FBXO42: variants seen among roughly 807,000 people sequenced by gnomAD.
FBXO42 encodes F-box only protein 42.
In FBXO42, 12 loss-of-function variants were observed where a neutral mutation model predicts 71.7. The ratio of observed to expected loss-of-function variants is 0.17; its 90% CI spans 0.11 to 0.27. The LOEUF (loss-of-function observed/expected upper bound fraction) is 0.27. FBXO42 is among the 10% of genes least tolerant of loss of function. The pLI, the probability that FBXO42 is intolerant of heterozygous loss-of-function variation, is 1.00. For missense variants in FBXO42, 707 were observed against 911.9 expected, an observed-to-expected ratio of 0.78 and a Z score of 2.89; for synonymous variants, 325 against 327.5, an observed-to-expected ratio of 0.99 and a Z score of 0.08.
At chr1:16,292,322 T>C (rs1200045215) in intron 4 of FBXO42, 2 of 152,184 alleles carry the variant, frequency 1.3e-5, no homozygotes, top group East Asian at 3.9e-4. Flanking sequence ...TCTTTCTCTT[T>C]CTTTGTTTCT....
chr1:16,247,004 CCT>C lies in FBXO42; in HGVS notation c.*3664_*3665del, dbSNP rs2081540756. 1 of 152,184 alleles carries C rather than the reference CCT, an allele frequency of 6.6e-6. No individual in the cohort carries two copies. The highest frequency in any genetic ancestry group is 6.5e-5 in the Admixed American group (1 of 15,274). The allele number at this position is 152,184 out of a possible 1,614,324, so 9.4% of individuals were successfully genotyped here. A position where few individuals can be genotyped will look rare whatever the true frequency, so the allele number is the denominator to read the frequency against. On this transcript the variant is annotated 3_prime_UTR_variant, in exon 10 of 10. Coordinates refer to ENST00000375592, the MANE Select transcript of FBXO42 (RefSeq NM_018994.3). Reference sequence around the variant, plus strand: ...ATCTCAGGGTAAGCCACCTGGCATCCCTGAGTTGTATGGGAAACATCACTCAC... The same window carrying C: ...ATCTCAGGGTAAGCCACCTGGCATCCGAGTTGTATGGGAAACATCACTCAC...
At chr1:16,297,321 C>T (rs1247543733) in intron 3 of FBXO42, among the ~76,000 whole-genome samples, 1 of 152,040 alleles carries the variant, frequency 6.6e-6, no homozygotes, top group African/African-American at 2.4e-5. Flanking sequence ...AAGGCCAAGT[C>T]AGAAAACTGA....
intron 1 of FBXO42, among the ~76,000 whole-genome samples, chr1:16,315,647 T>C (rs1020161890): frequency 6.6e-6 from 1 of 152,146 alleles, no homozygotes. Flanking sequence ...ATTACATTTT[T>C]TCTCTTCACT....
chr1:16,325,233 G>C (rs993710675), intron 1 of FBXO42, among the ~76,000 whole-genome samples: 1 of 151,958 alleles, frequency 6.6e-6, no homozygotes, highest in African/African-American at 2.4e-5. Flanking sequence ...GCAAGACTCT[G>C]TCCCAAAACA....
At chr1:16,272,450 G>A (rs2081857294) in intron 4 of FBXO42, among the ~76,000 whole-genome samples, 1 of 151,974 alleles carries the variant, frequency 6.6e-6, no homozygotes, top group Admixed American at 6.6e-5. Flanking sequence ...GTAGAGACCG[G>A]GTTTCACCAT....
intron 2 of FBXO42, 124 bp downstream of exon 2, chr1:16,315,045 T>A: frequency 1.9e-6 from 2 of 1,038,048 alleles, no homozygotes. Flanking sequence ...CCGGGTAGTA[T>A]CGTCTAATGC....
Position 16,250,718 on chromosome 1 carries a change from C to T in FBXO42, c.2106G>A (p.Lys702=), listed in dbSNP as rs144643739. The change falls in exon 10 of 10, where the codon AAG becomes AAA. Residue 702 remains lysine (K), a synonymous_variant. Coordinates refer to ENST00000375592, the MANE Select transcript of FBXO42 (RefSeq NM_018994.3). The surrounding 1 kb of genome is among the most constrained non-coding windows in gnomAD (Gnocchi z 4.7). The part of the protein sequence containing the change: ...GGLMDKKQNV[K]YYPKTNALYF... ...ACAAGGCGTTTGTTTTTGGATAGTACTTCACATTCTGTTTCTTGTCCATGA... is the reference window on the plus strand; with the variant it reads ...ACAAGGCGTTTGTTTTTGGATAGTATTTCACATTCTGTTTCTTGTCCATGA... 8.1e-6 allele frequency: 13 copies of T among 1,614,154 alleles called. No homozygotes were observed. The highest frequency in any genetic ancestry group is 1.1e-5 in the Non-Finnish European group (13 of 1,180,038).
chr1:16,253,295 CA>C, intron 7 of FBXO42, 143 bp from the exon 8 acceptor site: 1 of 661,652 alleles, frequency 1.5e-6, no homozygotes, highest in Non-Finnish European at 2.6e-6. Flanking sequence ...CTCCTAAAAA[CA>C]TATCAATTCT....
rs981367303 is a variant in FBXO42 at position 16,249,629 on chromosome 1, C to T, written c.*1041G>A. ...TGATGCTTGCTTCAAAGATTTCTCA[C>T]AATATTGGCATCTTAGAATTCCCTA... On this transcript the variant is annotated 3_prime_UTR_variant, in exon 10 of 10. Coordinates refer to ENST00000375592, the MANE Select transcript of FBXO42 (RefSeq NM_018994.3). The T allele has an allele frequency of 2.0e-5, 3 of 152,052 alleles. No homozygotes were observed. The highest frequency in any genetic ancestry group is 4.4e-5 in the Non-Finnish European group (3 of 68,020). The allele number at this position is 152,052 out of a possible 1,614,324, so 9.4% of individuals were successfully genotyped here.
At chr1:16,290,105 T>TG (rs897946501) in intron 4 of FBXO42, among the ~76,000 whole-genome samples, 1 of 152,158 alleles carries the variant, frequency 6.6e-6, no homozygotes, top group African/African-American at 2.4e-5. Flanking sequence ...GTACTAGCTG[T>TG]GGGTCTCTTT....
intron 3 of FBXO42, among the ~76,000 whole-genome samples, chr1:16,299,730 C>T (rs760281526): frequency 2.6e-5 from 4 of 152,088 alleles, no homozygotes; most frequent in Non-Finnish European, 5.9e-5. Flanking sequence ...CTGCAACCTC[C>T]GCCTCCTGGG....
intron 1 of FBXO42, among the ~76,000 whole-genome samples, chr1:16,345,932 G>A (rs1018863660): frequency 2.6e-5 from 4 of 151,446 alleles, no homozygotes; most frequent in East Asian, 1.9e-4. Context: ...AGGTGAATCC[G>A]GGATAGCTTG....
intron 4 of FBXO42, among the ~76,000 whole-genome samples, chr1:16,257,929 C>G (rs2081663641): frequency 6.6e-6 from 1 of 152,242 alleles, no homozygotes; most frequent in Non-Finnish European, 1.5e-5. Flanking sequence ...GATCTACCCG[C>G]TTTGGCCTCC....
chr1:16,318,649 C>G (rs1015937569), intron 1 of FBXO42, among the ~76,000 whole-genome samples: 1 of 152,110 alleles, frequency 6.6e-6, no homozygotes, highest in African/African-American at 2.4e-5. Context: ...TATGTAAGAA[C>G]TGTGTTGCAG....
chr1:16,306,293 A>T (rs1470387503), intron 2 of FBXO42, among the ~76,000 whole-genome samples: 1 of 152,214 alleles, frequency 6.6e-6, no homozygotes, highest in African/African-American at 2.4e-5. Flanking sequence ...CTGAGATTAC[A>T]GGCATGAGCC....
In FBXO42 at chr1:16,251,354, T is replaced by G; in HGVS notation, c.1470A>C (p.Pro490=). 1 of 1,614,218 alleles carries G rather than the reference T, an allele frequency of 6.2e-7. No homozygotes were observed. The highest frequency in any genetic ancestry group is 8.5e-7 in the Non-Finnish European group (1 of 1,180,022). Residue 490 remains proline, a synonymous_variant, in exon 10 of 10, where the codon CCA becomes CCC. Coordinates refer to ENST00000375592, the MANE Select transcript of FBXO42 (RefSeq NM_018994.3). This position sits in a 1 kb window ranked among gnomAD's most constrained non-coding sequence, Gnocchi z 4.5. ...LSLAPRRGSL[P]DQKDLRLGSI... ...ATCCTAATCTCAGATCTTTCTGATCTGGTAGTGATCCTCGTCGGGGGGCCA... is the reference window on the plus strand; with the variant it reads ...ATCCTAATCTCAGATCTTTCTGATCGGGTAGTGATCCTCGTCGGGGGGCCA...
intron 4 of FBXO42, among the ~76,000 whole-genome samples, chr1:16,257,682 A>AC (rs2081659998): frequency 6.6e-6 from 1 of 152,030 alleles, no homozygotes; most frequent in Non-Finnish European, 1.5e-5. Context: ...ATACCAGAAT[A>AC]CTTTTTTTTT....
chr1:16,331,856 GC>G (rs1164129683), intron 1 of FBXO42, among the ~76,000 whole-genome samples: 1 of 151,994 alleles, frequency 6.6e-6, no homozygotes, highest in Non-Finnish European at 1.5e-5. Context: ...TTCGAGACCA[GC>G]CTGACCAACA....
intron 4 of FBXO42, among the ~76,000 whole-genome samples, chr1:16,268,036 G>A (rs901083474): frequency 7.9e-5 from 12 of 151,660 alleles, no homozygotes; most frequent in Admixed American, 7.9e-4. Flanking sequence ...ACCATTTCAA[G>A]TAGTCTTTTG....
Sources: allele counts gnomAD v4.1 joint callset (sites outside exome capture counted in the v4.1 genomes callset), GRCh38; gene constraint gnomAD v4.1.1; non-coding constraint Gnocchi (gnomAD v3.1); transcripts MANE v1.5; gene names NCBI Gene and HGNC (gene_info 2026-07-23, HGNC 2026-07-21).